BLOC1S5: variants seen among roughly 807,000 people sequenced by gnomAD.
The protein encoded by BLOC1S5 is biogenesis of lysosomal organelles complex 1 subunit 5.
A neutral mutation model predicts 24.3 loss-of-function variants in BLOC1S5; 27 were observed. The observed-to-expected ratio is 1.11, with a 90% CI of 0.82 to 1.53. BLOC1S5 has a LOEUF of 1.53. Ranked by LOEUF, BLOC1S5 falls within the 40% of genes most tolerant of loss-of-function variation. The pLI is 0.00. For missense variants in BLOC1S5, 239 were observed against 229.4 expected, an observed-to-expected ratio of 1.04 and a Z score of -0.27; for synonymous variants, 84 against 74.5, an observed-to-expected ratio of 1.13 and a Z score of -0.66.
chr6:8,018,624 C>T (rs1762818371), intron 4 of BLOC1S5, among the ~76,000 whole-genome samples: 1 of 152,174 alleles, frequency 6.6e-6, no homozygotes, highest in Admixed American at 6.5e-5. Context: ...TGCTGAGCAA[C>T]TTAAAGTTTC....
chr6:8,040,998 CATT>C (rs1195448997), intron 3 of BLOC1S5, 138 bp downstream of exon 3: 4 of 831,122 alleles, frequency 4.8e-6, no homozygotes, highest in Non-Finnish European at 7.1e-6. Flanking sequence ...TGGCAACACA[CATT>C]AATCACTAGA....
At chr6:8,030,104 C>CA (rs1404526738) in intron 3 of BLOC1S5, among the ~76,000 whole-genome samples, 1 of 152,138 alleles carries the variant, frequency 6.6e-6, no homozygotes, top group African/African-American at 2.4e-5. Context: ...TAAGGAAACT[C>CA]AGTGATCTCC....
intron 2 of BLOC1S5, among the ~76,000 whole-genome samples, chr6:8,043,314 C>T (rs984886866): frequency 2.6e-5 from 4 of 152,090 alleles, no homozygotes; most frequent in African/African-American, 7.2e-5. Flanking sequence ...AGAAAACTAG[C>T]CAATGCAATA....
chr6:8,018,287 T>C (rs1762809480), intron 4 of BLOC1S5, among the ~76,000 whole-genome samples: 1 of 152,210 alleles, frequency 6.6e-6, no homozygotes, highest in Admixed American at 6.5e-5. Context: ...TGTTACAGTC[T>C]AAGAGAAAAG....
chr6:8,036,475 G>A (rs1283958378), intron 3 of BLOC1S5, among the ~76,000 whole-genome samples: 5 of 152,112 alleles, frequency 3.3e-5, no homozygotes, highest in Admixed American at 3.3e-4. Flanking sequence ...CAAACCATGA[G>A]GGAACAGAAA....
chr6:8,043,338 G>A (rs577257428), intron 2 of BLOC1S5, among the ~76,000 whole-genome samples: 1 of 152,248 alleles, frequency 6.6e-6, no homozygotes, highest in Non-Finnish European at 1.5e-5. Context: ...CCTCAACCAA[G>A]CCAAGAAGGT....
rs1322684632 is a variant in BLOC1S5 at position 8,015,726 on chromosome 6, G to T, written c.487C>A (p.His163Asn). The T allele has an allele frequency of 1.2e-6, 2 of 1,614,060 alleles. No homozygotes were observed. The highest frequency in any genetic ancestry group is 1.7e-6 in the Non-Finnish European group (2 of 1,180,008). Residue 163 changes from histidine to asparagine, a missense_variant, in exon 5 of 5, where the codon CAC becomes AAC. Physicochemically the swap from His to Asn is moderately conservative, Grantham distance 68. Coordinates refer to ENST00000397457, the MANE Select transcript of BLOC1S5 (RefSeq NM_201280.3). The part of the protein sequence containing the change: ...PNKRAEVDEE[H>N]RKAMERLKEQ... ...TTAAGCCTTTCCATGGCTTTTCTGT[G>T]CTCTTCATCCACTTCAGCCCTTTTG...
At chr6:8,021,384 A>G (rs1031238234) in intron 4 of BLOC1S5, among the ~76,000 whole-genome samples, 2 of 152,308 alleles carry the variant, frequency 1.3e-5, no homozygotes, top group African/African-American at 4.8e-5. Flanking sequence ...GGATCACCTG[A>G]GGTCAGGAGT....
At chr6:8,057,267 C>G (rs1383979131) in intron 2 of BLOC1S5, among the ~76,000 whole-genome samples, 2 of 151,988 alleles carry the variant, frequency 1.3e-5, no homozygotes, top group Non-Finnish European at 2.9e-5. Flanking sequence ...CCCAAAAAAC[C>G]CATGACACTA....
Position 8,014,031 on chromosome 6 carries a change from T to C in BLOC1S5, c.*1618A>G, listed in dbSNP as rs913059343. On this transcript the variant is annotated 3_prime_UTR_variant, in exon 5 of 5. Transcript: ENST00000397457. ...CACATTTTCAACATGCAGCCAAGAA[T>C]GAAGCTTTGACAGTAAGCCATACAT... 2.0e-5 allele frequency: 3 copies of C among 152,170 alleles called. No homozygotes were observed. Among genetic ancestry groups the C allele is most frequent in the African/African-American group, 7.2e-5 (3 of 41,430 alleles). The allele number at this position is 152,170 out of a possible 1,614,324, so 9.4% of individuals were successfully genotyped here.
At chr6:8,036,645 G>A (rs960930722) in intron 3 of BLOC1S5, among the ~76,000 whole-genome samples, 2 of 151,990 alleles carry the variant, frequency 1.3e-5, no homozygotes, top group African/African-American at 4.8e-5. Flanking sequence ...ACCTGAAGAG[G>A]AGAGAATATC....
At chr6:8,051,838 T>C (rs1764114436) in intron 2 of BLOC1S5, among the ~76,000 whole-genome samples, 1 of 152,200 alleles carries the variant, frequency 6.6e-6, no homozygotes, top group Non-Finnish European at 1.5e-5. Flanking sequence ...AGCCCACTGT[T>C]GAGACCTACT....
intron 4 of BLOC1S5, among the ~76,000 whole-genome samples, chr6:8,021,887 C>T (rs1762926692): frequency 6.6e-6 from 1 of 151,922 alleles, no homozygotes; most frequent in Non-Finnish European, 1.5e-5. Flanking sequence ...AACCACATAC[C>T]AAAAGTAATG....
In BLOC1S5 at chr6:8,046,804, G is replaced by A. The variant is rs184883663; in HGVS notation, c.196-5536C>T. On this transcript the variant is annotated intron_variant, in intron 2 of 4. Coordinates refer to ENST00000397457, the MANE Select transcript of BLOC1S5 (RefSeq NM_201280.3). ...TGTAGAGACAGGGTCTTGTTCTGTC[G>A]CTGAGATCACACTACTGCTGGAGTG... Among the ~76,000 whole-genome samples the A allele has an allele frequency of 1.5e-3, 235 of 151,712 alleles. 2 individuals are homozygous for A. Among genetic ancestry groups the A allele is most frequent in the African/African-American group, 5.1e-3 (210 of 41,334 alleles).
chr6:8,015,819 C>T lies in BLOC1S5; in HGVS notation c.394G>A (p.Asp132Asn). 1 of 1,596,242 alleles carries T rather than the reference C, an allele frequency of 6.3e-7. No individual in the cohort carries two copies. The highest frequency in any genetic ancestry group is 8.5e-7 in the Non-Finnish European group (1 of 1,174,994). ...TGTTTCTCACTAGCTACTAAGTGGT[C>T]ACTATGAATCTGAGAAAAGAAAATT... ...REQERKKIHS[D>N]HLVASEKQHM... The change falls in exon 5 of 5, where the codon GAC becomes AAC. Residue 132 changes from aspartate to asparagine, a missense_variant. Coordinates refer to ENST00000397457, the MANE Select transcript of BLOC1S5 (RefSeq NM_201280.3).
intron 1 of BLOC1S5, among the ~76,000 whole-genome samples, chr6:8,062,893 C>T (rs1425454786): frequency 6.6e-6 from 1 of 151,954 alleles, no homozygotes; most frequent in Non-Finnish European, 1.5e-5. Flanking sequence ...ATGAGTAAGG[C>T]CATTTATACA....
chr6:8,024,514 CA>C (rs60853006), intron 4 of BLOC1S5, among the ~76,000 whole-genome samples: 921 of 65,746 alleles, frequency 0.014, 7 homozygotes, highest in Middle Eastern at 0.074. Flanking sequence ...GACTCCATCT[CA>C]AAAAAAAAAA....
rs147200477 is a variant in BLOC1S5 at position 8,020,211 on chromosome 6, A to G, written c.385-4383T>C. 1.1e-3 allele frequency among the ~76,000 whole-genome samples: 172 copies of G among 152,288 alleles called. 2 individuals carry two copies. The East Asian group carries it at 0.029, about 25-fold the overall frequency. ...AGTCATGGTGACAGAAGACAAGAAG[A>G]CCCTTCGAGACATGGAGACCTACAA... is the stretch of plus-strand genomic sequence containing the variant. On this transcript the variant is annotated intron_variant, in intron 4 of 4. Transcript: ENST00000397457.
chr6:8,062,150 T>G (rs1764534803), intron 2 of BLOC1S5, among the ~76,000 whole-genome samples: 1 of 152,178 alleles, frequency 6.6e-6, no homozygotes, highest in Non-Finnish European at 1.5e-5. Context: ...GGATAATCCT[T>G]AAGTTTTAAT....
Sources: gnomAD v4.1 joint callset for allele counts (sites outside exome capture counted in the v4.1 genomes callset) on GRCh38, gnomAD v4.1.1 for gene constraint, MANE v1.5 for transcripts, NCBI Gene and HGNC (gene_info 2026-07-23, HGNC 2026-07-21) for gene names.